USH2A: variants seen among roughly 807,000 people sequenced by gnomAD.
USH2A encodes the protein Usher syndrome 2A (autosomal recessive, mild).
USH2A carries 443 observed loss-of-function variants against 538.9 expected under a neutral mutation model. The ratio of observed to expected loss-of-function variants is 0.82; its 90% CI spans 0.76 to 0.89. USH2A has a LOEUF of 0.89. Ranked by LOEUF, USH2A falls within the 40% of genes least tolerant of loss-of-function variation. USH2A has a pLI of 0.00. For missense variants in USH2A, 6,633 were observed against 6,324.8 expected, an observed-to-expected ratio of 1.05 and a Z score of -1.65; for synonymous variants, 2,413 against 2,273.5, an observed-to-expected ratio of 1.06 and a Z score of -1.75.
chr1:215,842,884 G>T (rs559885887), intron 46 of USH2A, among the ~76,000 whole-genome samples: 1 of 151,952 alleles, frequency 6.6e-6, no homozygotes, highest in Non-Finnish European at 1.5e-5. Flanking sequence ...CTGGTAGATG[G>T]GTTGTTAGGT....
chr1:216,159,516 T>C (rs1427004113), intron 21 of USH2A, among the ~76,000 whole-genome samples: 2 of 146,632 alleles, frequency 1.4e-5, no homozygotes, highest in Non-Finnish European at 3.0e-5. Context: ...TGCATGGTCA[T>C]GATATAACAT....
At chr1:216,276,928 C>G (rs984045228) in intron 11 of USH2A, among the ~76,000 whole-genome samples, 2 of 151,990 alleles carry the variant, frequency 1.3e-5, no homozygotes, top group Non-Finnish European at 2.9e-5. Flanking sequence ...AGGGACACAG[C>G]CAAACCATAT....
intron 13 of USH2A, among the ~76,000 whole-genome samples, chr1:216,234,869 G>A (rs970048647): frequency 6.6e-6 from 1 of 152,050 alleles, no homozygotes; most frequent in Admixed American, 6.6e-5. Context: ...AGAAGTACAA[G>A]CAGAGAAGAA....
chr1:215,949,339 A>C (rs1372422808), intron 37 of USH2A, among the ~76,000 whole-genome samples: 1 of 152,082 alleles, frequency 6.6e-6, no homozygotes, highest in Non-Finnish European at 1.5e-5. Context: ...GAAATATTTT[A>C]AGATGTAAGT....
intron 40 of USH2A, among the ~76,000 whole-genome samples, chr1:215,898,049 G>A (rs4655433): frequency 2.0e-5 from 3 of 152,022 alleles, no homozygotes; most frequent in African/African-American, 7.3e-5. Flanking sequence ...ACAGTACCCT[G>A]TCACCATGTC....
intron 38 of USH2A, among the ~76,000 whole-genome samples, chr1:215,901,859 A>T (rs1362421337): frequency 6.6e-6 from 1 of 152,156 alleles, no homozygotes. Context: ...CTTGAAAGCA[A>T]ATTCAGCAAA....
intron 16 of USH2A, among the ~76,000 whole-genome samples, chr1:216,206,179 A>G (rs1002140759): frequency 6.6e-6 from 1 of 152,214 alleles, no homozygotes; most frequent in Non-Finnish European, 1.5e-5. Context: ...TACATTTTCT[A>G]TAATATTTAC....
chr1:215,996,238 G>A (rs1196017671), intron 34 of USH2A, among the ~76,000 whole-genome samples: 1 of 152,126 alleles, frequency 6.6e-6, no homozygotes, highest in Non-Finnish European at 1.5e-5. Context: ...TTTCCAGTAA[G>A]TTTTCAGGTC....
intron 21 of USH2A, among the ~76,000 whole-genome samples, chr1:216,113,425 C>G (rs2032923532): frequency 6.6e-6 from 1 of 152,138 alleles, no homozygotes. Flanking sequence ...TTTTCAGCCA[C>G]TGTCAGGCAA....
At chr1:216,240,967 C>A (rs921875063) in intron 13 of USH2A, among the ~76,000 whole-genome samples, 1 of 152,164 alleles carries the variant, frequency 6.6e-6, no homozygotes, top group Non-Finnish European at 1.5e-5. Flanking sequence ...ATTTCTTGAA[C>A]AGAGTTCCCT....
intron 41 of USH2A, among the ~76,000 whole-genome samples, chr1:215,887,682 C>T (rs1331252396): frequency 6.6e-6 from 1 of 152,222 alleles, no homozygotes; most frequent in African/African-American, 2.4e-5. Context: ...AGAGAGAACA[C>T]ACAACATAGA....
chr1:216,394,720 C>CTTTTTTTTTTTTTTTT lies in USH2A; in HGVS notation c.651+23778_651+23793dup, dbSNP rs780581599. Among the ~76,000 whole-genome samples the CTTTTTTTTTTTTTTTT allele has an allele frequency of 7.5e-4, 90 of 120,316 alleles. 16 individuals carry two copies. In the South Asian group the frequency reaches 0.016, roughly 21 times the overall value. The allele number at this position is 120,316 out of a possible 152,430, so 78.9% of individuals were successfully genotyped here. A position where few individuals can be genotyped will look rare whatever the true frequency, so the allele number is the denominator to read the frequency against. ...CTTAAGGCCTAATAACTGGTCCAGTCTTTTTTTTTTTTTTTTGAGACAGAG... is the reference window on the plus strand; with the variant it reads ...CTTAAGGCCTAATAACTGGTCCAGTCTTTTTTTTTTTTTTTTTTTTTTTTTTTTTTTTGAGACAGAG... On this transcript the variant is annotated intron_variant, in intron 3 of 71. Coordinates refer to ENST00000307340, the MANE Select transcript of USH2A (RefSeq NM_206933.4).
In USH2A at chr1:215,865,254, C is replaced by G. The variant is rs567149278; in HGVS notation, c.8845+1753G>C. Among the ~76,000 whole-genome samples, 4 of 152,076 alleles carry G rather than the reference C, an allele frequency of 2.6e-5. No individual in the cohort carries two copies. The South Asian group carries it at 8.3e-4, about 31-fold the overall frequency. ...TTCTGAGAGTTAACCTTTGTGCTCA[C>G]AAATAGTTATCTGAAAAATTTCCAA... On this transcript the variant is annotated intron_variant, in intron 44 of 71. Coordinates refer to ENST00000307340, the MANE Select transcript of USH2A (RefSeq NM_206933.4).
chr1:216,162,724 G>C (rs115578532), intron 21 of USH2A, among the ~76,000 whole-genome samples: 1 of 151,922 alleles, frequency 6.6e-6, no homozygotes, highest in Non-Finnish European at 1.5e-5. Context: ...TTGGAGAGTC[G>C]AGTGAAAGCT....
intron 11 of USH2A, among the ~76,000 whole-genome samples, chr1:216,286,021 C>T (rs2036876336): frequency 6.6e-6 from 1 of 152,084 alleles, no homozygotes. Context: ...TCAGATGAGA[C>T]TTTGGACTTG....
At chr1:215,654,172 TA>T (rs572057793) in intron 64 of USH2A, among the ~76,000 whole-genome samples, 6 of 152,312 alleles carry the variant, frequency 3.9e-5, no homozygotes, top group Non-Finnish European at 7.4e-5. Flanking sequence ...AACATATATA[TA>T]TTTTTTTATT....
chr1:216,168,392 T>C (rs2034210602), intron 21 of USH2A, among the ~76,000 whole-genome samples: 1 of 152,098 alleles, frequency 6.6e-6, no homozygotes, highest in Admixed American at 6.6e-5. Context: ...GAAAATGACT[T>C]TGCAAAAATT....
chr1:216,214,138 C>A (rs1257298020), intron 15 of USH2A, among the ~76,000 whole-genome samples: 3 of 151,978 alleles, frequency 2.0e-5, no homozygotes, highest in African/African-American at 7.2e-5. Context: ...AATAATTTGG[C>A]AGTTTCCTAA....
chr1:216,211,426 G>C (rs753086608), intron 15 of USH2A, among the ~76,000 whole-genome samples: 6 of 152,124 alleles, frequency 3.9e-5, no homozygotes, highest in Non-Finnish European at 8.8e-5. Flanking sequence ...CTGCAGAATT[G>C]CTTGTTCAAC....
Sources: gnomAD v4.1 joint callset for allele counts (sites outside exome capture counted in the v4.1 genomes callset) on GRCh38, gnomAD v4.1.1 for gene constraint, MANE v1.5 for transcripts, NCBI Gene and HGNC (gene_info 2026-07-23, HGNC 2026-07-21) for gene names.